Variants in ADAMTSL3 observed in about 807,000 individuals in gnomAD.
ADAMTSL3 encodes the protein ADAMTS like 3.
A neutral mutation model predicts 201.7 loss-of-function variants in ADAMTSL3; 128 were observed. The observed-to-expected ratio is 0.63, with a 90% CI of 0.55 to 0.73. The LOEUF (loss-of-function observed/expected upper bound fraction) is 0.73, where lower values mean the gene tolerates loss of function less well. Ranked by LOEUF, ADAMTSL3 falls within the 30% of genes least tolerant of loss-of-function variation. The pLI is 0.00. For synonymous variants in ADAMTSL3, 738 were observed against 748.4 expected (o/e 0.99, Z 0.23); for missense variants, 1,990 against 2,119.6 (o/e 0.94, Z 1.20).
chr15:83,986,210 T>A (rs917443923), intron 21 of ADAMTSL3, among the ~76,000 whole-genome samples: 1 of 152,168 alleles, frequency 6.6e-6, no homozygotes, highest in African/African-American at 2.4e-5. Flanking sequence ...CTAACTTGGT[T>A]CAATAATCCA....
At chr15:83,848,575 ACT>A (rs2064548326) in intron 7 of ADAMTSL3, among the ~76,000 whole-genome samples, 1 of 152,082 alleles carries the variant, frequency 6.6e-6, no homozygotes, top group African/African-American at 2.4e-5. Context: ...ATAAAATGAA[ACT>A]CTGTGTGATG....
intron 2 of ADAMTSL3, among the ~76,000 whole-genome samples, chr15:83,695,226 T>G (rs1216015602): frequency 0.047 from 6 of 128 alleles, no homozygotes; most frequent in Non-Finnish European, 0.068. Context: ...TGTGTGTGTG[T>G]AATGTGTGTG....
At chr15:83,691,084 G>A (rs1283251739) in intron 2 of ADAMTSL3, among the ~76,000 whole-genome samples, 1 of 152,064 alleles carries the variant, frequency 6.6e-6, no homozygotes, top group African/African-American at 2.4e-5. Flanking sequence ...TCGGTGAAGG[G>A]GCACTGTGCA....
rs376188511 is a variant in ADAMTSL3, at chr15:83,883,918, G to T, written c.961-1183G>T. On this transcript the variant is annotated intron_variant, in intron 9 of 29. Transcript: ENST00000286744. ...TTTTACTTTTTTTTTTTTAGATGGA[G>T]TTTCACTTTTGTTGCCCCGGCTGGA... 3.6e-3 allele frequency among the ~76,000 whole-genome samples: 535 copies of T among 149,596 alleles called. 3 individuals are homozygous for T. Among genetic ancestry groups the T allele is most frequent in the African/African-American group, 0.013 (510 of 40,600 alleles).
intron 19 of ADAMTSL3, among the ~76,000 whole-genome samples, chr15:83,965,087 GTC>G (rs1383736427): frequency 6.6e-6 from 1 of 151,958 alleles, no homozygotes; most frequent in Non-Finnish European, 1.5e-5. Context: ...TGTAAAGACT[GTC>G]AACACTATGA....
Position 83,661,389 on chromosome 15 carries a change from C to T in ADAMTSL3, c.69+5559C>T, listed in dbSNP as rs1314192997. ...ACCTTGGGCAGTATGGCCATTTTCA[C>T]AATATTGATTCTTCCTACCCATGAG... On this transcript the variant is annotated intron_variant, in intron 2 of 29. Transcript: ENST00000286744. Among the ~76,000 whole-genome samples, 5 of 151,726 alleles carry T rather than the reference C, an allele frequency of 3.3e-5. No individual in the cohort carries two copies. The South Asian group carries it at 8.4e-4, about 25-fold the overall frequency.
At chr15:84,033,739 G>C (rs1383736277) in intron 28 of ADAMTSL3, among the ~76,000 whole-genome samples, 1 of 152,124 alleles carries the variant, frequency 6.6e-6, no homozygotes, top group Non-Finnish European at 1.5e-5. Context: ...ATCTCATGCT[G>C]TCTCACTCTT....
At chr15:83,907,732 G>A (rs2065866898) in intron 15 of ADAMTSL3, among the ~76,000 whole-genome samples, 1 of 152,150 alleles carries the variant, frequency 6.6e-6, no homozygotes, top group South Asian at 2.1e-4. Flanking sequence ...TGGCTGAATA[G>A]TATTCCATTG....
intron 4 of ADAMTSL3, among the ~76,000 whole-genome samples, chr15:83,791,507 T>C (rs2063344431): frequency 6.6e-6 from 1 of 152,152 alleles, no homozygotes; most frequent in African/African-American, 2.4e-5. Context: ...CAATAAATGG[T>C]GTTGGGAAAA....
chr15:83,982,294 C>T lies in ADAMTSL3; in HGVS notation c.2666C>T (p.Thr889Ile). ...ECSKIKSEMK[T>I]KLGEQGPQIL... is the part of the protein sequence containing the mutation. ...GGAGAAATCAAATCAGAGATGAAGA[C>T]AAAACTTGGTGAGCAGGGTCCGCAG... The change falls in exon 21 of 30, where the codon ACA becomes ATA. Residue 889 changes from threonine (T) to isoleucine (I), a missense_variant. By Grantham distance (89) the Thr-to-Ile change is moderately conservative. Transcript: ENST00000286744. 3 of 1,594,212 alleles carry T rather than the reference C, an allele frequency of 1.9e-6. No homozygotes were observed. Among genetic ancestry groups the T allele is most frequent in the Non-Finnish European group, 2.6e-6 (3 of 1,168,382 alleles).
At chr15:83,944,841 A>G (rs915275525) in intron 19 of ADAMTSL3, among the ~76,000 whole-genome samples, 1 of 152,194 alleles carries the variant, frequency 6.6e-6, no homozygotes, top group African/African-American at 2.4e-5. Context: ...GGTTCTTGTG[A>G]GGATAACATA....
At chr15:83,660,308 A>G (rs1032612490) in intron 2 of ADAMTSL3, among the ~76,000 whole-genome samples, 2 of 152,146 alleles carry the variant, frequency 1.3e-5, no homozygotes, top group South Asian at 2.1e-4. Context: ...TACCCCTGCT[A>G]TTGCTATCAC....
chr15:83,750,165 G>C (rs183950125), intron 3 of ADAMTSL3, among the ~76,000 whole-genome samples: 29 of 152,292 alleles, frequency 1.9e-4, no homozygotes, highest in African/African-American at 6.7e-4. Context: ...CCAGAGTCAC[G>C]TATCAGCTAT....
At chr15:84,001,895 G>A (rs535663750) in intron 23 of ADAMTSL3, among the ~76,000 whole-genome samples, 1 of 152,324 alleles carries the variant, frequency 6.6e-6, no homozygotes, top group South Asian at 2.1e-4. Flanking sequence ...GCAGCAGTGG[G>A]AAAGAATGTG....
chr15:83,762,137 A>G lies in ADAMTSL3; in HGVS notation c.190-11386A>G, dbSNP rs138553494. On this transcript the variant is annotated intron_variant, in intron 3 of 29. Transcript: ENST00000286744. ...GTGATCTCAGCTCACTGCAACCTCC[A>G]CCTCCTGGGTTCAAGTGATTCTCCT... is the stretch of plus-strand genomic sequence containing the variant. Among the ~76,000 whole-genome samples, 702 of 150,876 alleles carry G rather than the reference A, an allele frequency of 4.7e-3. 3 individuals carry two copies. Among genetic ancestry groups the G allele is most frequent in the African/African-American group, 0.016 (677 of 41,036 alleles).
intron 9 of ADAMTSL3, among the ~76,000 whole-genome samples, chr15:83,877,155 G>T (rs1445419243): frequency 3.9e-5 from 6 of 152,116 alleles, no homozygotes; most frequent in Admixed American, 2.0e-4. Context: ...GCCCAGGCTG[G>T]TCTCAAACTC....
At chr15:83,875,008 G>A (rs2065152493) in intron 9 of ADAMTSL3, among the ~76,000 whole-genome samples, 2 of 114,982 alleles carry the variant, frequency 1.7e-5, no homozygotes, top group African/African-American at 7.4e-5. Context: ...ATTGGGTCAC[G>A]TGCCCACTCT....
At position 83,726,681 on chromosome 15, in the gene ADAMTSL3, G is replaced by T. The variant is rs147694337; in HGVS notation, c.189+22173G>T. Among the ~76,000 whole-genome samples the T allele has an allele frequency of 5.9e-4, 89 of 151,938 alleles. 1 individual carries two copies. In the East Asian group the frequency reaches 0.016, roughly 28 times the overall value. On this transcript the variant is annotated intron_variant, in intron 3 of 29. Transcript: ENST00000286744. ...TATGGTTTTTGTCCTTCATTCTGTT[G>T]ATATGATGTGTCACATTGATTTGCA...
Position 83,884,400 on chromosome 15 carries a change from G to C in ADAMTSL3, c.961-701G>C, listed in dbSNP as rs145187294. On this transcript the variant is annotated intron_variant, in intron 9 of 29. Coordinates refer to ENST00000286744, the MANE Select transcript of ADAMTSL3 (RefSeq NM_207517.3). ...AGACATTCTCCCACCTCAGCCTCCTGAGTAGCTGGGACTACAAGCATGTGG... is the reference window on the plus strand; with the variant it reads ...AGACATTCTCCCACCTCAGCCTCCTCAGTAGCTGGGACTACAAGCATGTGG... Among the ~76,000 whole-genome samples, 406 of 125,062 alleles carry C rather than the reference G, an allele frequency of 3.2e-3. 2 individuals carry two copies. The highest frequency in any genetic ancestry group is 0.013 in the African/African-American group (391 of 31,178). 82.0% of individuals were successfully genotyped at this position (125,062 alleles called of 152,430 possible). A position where few individuals can be genotyped will look rare whatever the true frequency, so the allele number is the denominator to read the frequency against.
Sources: gnomAD v4.1 joint callset for allele counts (sites outside exome capture counted in the v4.1 genomes callset) on GRCh38, gnomAD v4.1.1 for gene constraint, MANE v1.5 for transcripts, NCBI Gene and HGNC (gene_info 2026-07-23, HGNC 2026-07-21) for gene names.